SBF2: variants seen among roughly 807,000 people sequenced by gnomAD.
SBF2 encodes the protein myotubularin-related protein 13.
Under a neutral mutation model 225.2 loss-of-function variants are expected in SBF2, and 112 were observed. That is an observed-to-expected ratio of 0.50 (90% confidence interval 0.43 to 0.58). The LOEUF is 0.58. SBF2 is among the 20% of genes least tolerant of loss of function. SBF2 has a pLI of 0.00. For missense variants in SBF2, 1,996 were observed against 2,206.2 expected (o/e 0.90, Z 1.91); for synonymous variants, 763 against 773.3 (o/e 0.99, Z 0.22).
At chr11:9,929,823 T>C (rs1565018397) in intron 16 of SBF2, among the ~76,000 whole-genome samples, 1 of 152,206 alleles carries the variant, frequency 6.6e-6, no homozygotes, top group Non-Finnish European at 1.5e-5. Context: ...CAAGAGTTCG[T>C]TGAATCTTGA....
chr11:10,090,800 G>C (rs1482191934), intron 2 of SBF2, among the ~76,000 whole-genome samples: 2 of 132,588 alleles, frequency 1.5e-5, no homozygotes, highest in Non-Finnish European at 3.3e-5. Context: ...TTAGAACCTA[G>C]TACAACTAAA....
At chr11:10,205,017 G>T (rs1187649565) in intron 1 of SBF2, among the ~76,000 whole-genome samples, 1 of 151,714 alleles carries the variant, frequency 6.6e-6, no homozygotes, top group Non-Finnish European at 1.5e-5. Flanking sequence ...GGGGGGAGGT[G>T]GGAGGGGGGA....
intron 1 of SBF2, among the ~76,000 whole-genome samples, chr11:10,218,458 C>T (rs988325074): frequency 6.6e-5 from 10 of 151,950 alleles, no homozygotes; most frequent in Non-Finnish European, 1.5e-4. Flanking sequence ...CGGCCCCTCC[C>T]AAATCTCATG....
intron 35 of SBF2, 23 bp from the exon 36 acceptor site, chr11:9,787,761 C>G: frequency 1.2e-6 from 2 of 1,600,062 alleles, no homozygotes; most frequent in Non-Finnish European, 1.7e-6. Flanking sequence ...TAAAAGTTTT[C>G]TGATCAGTAT....
chr11:10,090,952 A>G (rs527622950), intron 2 of SBF2, among the ~76,000 whole-genome samples: 2 of 152,170 alleles, frequency 1.3e-5, no homozygotes, highest in East Asian at 1.9e-4. Context: ...CGTAACTTAT[A>G]ATATTGCAAT....
rs1253526868 is a variant in SBF2 at position 9,966,764 on chromosome 11, A to G, written c.1600+1577T>C. Among the ~76,000 whole-genome samples the G allele has an allele frequency of 3.3e-5, 5 of 152,330 alleles. No homozygotes were observed. The East Asian group carries it at 9.6e-4, about 29-fold the overall frequency. ...AAGAGACAGTGAAATGACCAATAGC[A>G]CATGAAAAAATGTTCAGTATCAGTG... On this transcript the variant is annotated intron_variant, in intron 14 of 39. Transcript: ENST00000256190.
intron 32 of SBF2, among the ~76,000 whole-genome samples, chr11:9,800,403 TTTAAATTA>T (rs1167871833): frequency 2.0e-5 from 3 of 151,974 alleles, no homozygotes; most frequent in African/African-American, 7.2e-5. Context: ...TATTTATTTA[TTTAAATTA>T]TTATTATTTT....
intron 16 of SBF2, among the ~76,000 whole-genome samples, chr11:9,940,527 T>C (rs1414798189): frequency 6.6e-6 from 1 of 152,196 alleles, no homozygotes; most frequent in East Asian, 1.9e-4. Context: ...ATACCATTAG[T>C]AAGCAGTTGT....
Position 9,850,204 on chromosome 11 carries a change from T to A in SBF2, c.2625A>T (p.Arg875Ser), listed in dbSNP as rs745662567. ...TTTCTTCTCCTGGCAGCAGAGCAGG[T>A]CTAAGAATCTTGGGCTTACAACAGA... ...LPPIQKPKIL[R>S]PALLPGEEIV... Residue 875 changes from arginine to serine, a missense_variant, in exon 22 of 40, where the codon AGA (arginine) becomes AGT (serine). Coordinates refer to ENST00000256190, the MANE Select transcript of SBF2 (RefSeq NM_030962.4). 1 of 1,613,352 alleles carries A rather than the reference T, an allele frequency of 6.2e-7. No individual in the cohort carries two copies. Among genetic ancestry groups the A allele is most frequent in the Non-Finnish European group, 8.5e-7 (1 of 1,179,978 alleles).
chr11:10,231,071 C>T (rs764528576), intron 1 of SBF2, among the ~76,000 whole-genome samples: 41 of 152,134 alleles, frequency 2.7e-4, no homozygotes, highest in Non-Finnish European at 5.1e-4. Context: ...CATCTTCCAT[C>T]GCTGATACCC....
chr11:10,064,120 TA>T (rs1415192988), intron 2 of SBF2, among the ~76,000 whole-genome samples: 2 of 151,988 alleles, frequency 1.3e-5, no homozygotes, highest in Non-Finnish European at 2.9e-5. Flanking sequence ...ACTATATAAA[TA>T]AAAATAACAC....
intron 16 of SBF2, chr11:9,959,626 A>C (rs1427816129): frequency 2.6e-6 from 2 of 757,364 alleles, no homozygotes; most frequent in Admixed American, 1.7e-5. Context: ...CCAAAATTCT[A>C]CTCAGGTAAC....
chr11:9,896,103 T>C, intron 16 of SBF2, 92 bp from the exon 17 acceptor site: 1 of 1,011,748 alleles, frequency 9.9e-7, no homozygotes, highest in Non-Finnish European at 1.6e-6. Flanking sequence ...CTGTTTACTG[T>C]CCTATGGGGT....
intron 2 of SBF2, among the ~76,000 whole-genome samples, chr11:10,073,590 A>G (rs926240388): frequency 2.6e-5 from 4 of 152,014 alleles, no homozygotes; most frequent in Non-Finnish European, 5.9e-5. Flanking sequence ...GGTGGCATGC[A>G]CCTGTAGTCC....
At chr11:9,914,139 A>G (rs1862877405) in intron 16 of SBF2, among the ~76,000 whole-genome samples, 1 of 152,240 alleles carries the variant, frequency 6.6e-6, no homozygotes, top group South Asian at 2.1e-4. Context: ...AGGTATGTTG[A>G]AATTATCAGA....
intron 1 of SBF2, among the ~76,000 whole-genome samples, chr11:10,232,703 A>T (rs1958908712): frequency 6.6e-6 from 1 of 151,888 alleles, no homozygotes; most frequent in Non-Finnish European, 1.5e-5. Flanking sequence ...AGCTGGGACT[A>T]CAGGTACACA....
chr11:9,883,257 T>C (rs773371682), intron 17 of SBF2, among the ~76,000 whole-genome samples: 1 of 152,052 alleles, frequency 6.6e-6, no homozygotes, highest in Non-Finnish European at 1.5e-5. Flanking sequence ...GCACTTACTA[T>C]GTACCAGTAT....
At position 9,795,925 on chromosome 11, in the gene SBF2, G is replaced by C; in HGVS notation, c.4476C>G (p.Phe1492Leu). Reference sequence around the variant, plus strand: ...CCAAGAACTTTAAGTAATAGAGATTGAATTCAAACTCAGTTGGATACTGGT... The same window carrying C: ...CCAAGAACTTTAAGTAATAGAGATTCAATTCAAACTCAGTTGGATACTGGT... Reference protein sequence around the residue: ...VHNQYPTEFEFNLYYLKFLAF... With the variant: ...VHNQYPTEFELNLYYLKFLAF... The change falls in exon 33 of 40, where the codon TTC becomes TTG. Residue 1492 changes from phenylalanine (F) to leucine (L), a missense_variant. Phe to Leu is a conservative substitution (Grantham distance 22, BLOSUM62 0). Coordinates refer to ENST00000256190, the MANE Select transcript of SBF2 (RefSeq NM_030962.4). The C allele has an allele frequency of 6.2e-7, 1 of 1,613,404 alleles. No individual in the cohort carries two copies. The highest frequency in any genetic ancestry group is 8.5e-7 in the Non-Finnish European group (1 of 1,179,720).
At chr11:9,811,173 G>A (rs9630162) in intron 30 of SBF2, 7 of 152,114 alleles carry the variant, frequency 4.6e-5, no homozygotes, top group Non-Finnish European at 8.8e-5. Context: ...AGGAATAGAC[G>A]CCTGGGGCGT....
Sources: allele counts gnomAD v4.1 joint callset (sites outside exome capture counted in the v4.1 genomes callset), GRCh38; gene constraint gnomAD v4.1.1; transcripts MANE v1.5; gene names NCBI Gene and HGNC (gene_info 2026-07-23, HGNC 2026-07-21).